Variants in MNDA observed in about 807,000 individuals in gnomAD.
The protein encoded by MNDA is myeloid cell nuclear differentiation antigen.
In MNDA, 43 loss-of-function variants were observed where a neutral mutation model predicts 37.8. The ratio of observed to expected loss-of-function variants is 1.14; its 90% CI spans 0.89 to 1.47. The LOEUF is 1.47. Ranked by LOEUF, MNDA falls within the 40% of genes most tolerant of loss-of-function variation. The pLI is 0.00. For synonymous variants in MNDA, 181 were observed against 169.0 expected, an observed-to-expected ratio of 1.07 and a Z score of -0.55; for missense variants, 536 against 476.0, an observed-to-expected ratio of 1.13 and a Z score of -1.17.
In MNDA at chr1:158,836,221, T is replaced by C. The variant is rs114981948; in HGVS notation, c.-21+4664T>C. 7.8e-3 allele frequency among the ~76,000 whole-genome samples: 1,191 copies of C among 152,160 alleles called. 16 individuals are homozygous for C. The highest frequency in any genetic ancestry group is 0.027 in the African/African-American group (1,134 of 41,564). On this transcript the variant is annotated intron_variant, in intron 1 of 6. Coordinates refer to ENST00000368141, the MANE Select transcript of MNDA (RefSeq NM_002432.3). ...TCTAGTGCCTCTGTCTGGCTTTGCA[T>C]TGGAGTAATGCTGAGTCATACAATG...
At chr1:158,837,286 C>T (rs866286094) in intron 1 of MNDA, among the ~76,000 whole-genome samples, 1 of 151,794 alleles carries the variant, frequency 6.6e-6, no homozygotes, top group South Asian at 2.1e-4. Flanking sequence ...GATTGTTCTA[C>T]CTATTATTGA....
At position 158,846,010 on chromosome 1, in the gene MNDA, C is replaced by T. The variant is rs780946671; in HGVS notation, c.987+7C>T. 1 of 1,570,468 alleles carries T rather than the reference C, an allele frequency of 6.4e-7. No individual in the cohort carries two copies. Among genetic ancestry groups the T allele is most frequent in the Non-Finnish European group, 8.6e-7 (1 of 1,160,270 alleles). ...GTTGTTTATGTTACAAAAGGTAAAC[C>T]CTTAATTTTGTTTTAATTTTCTCTA... On this transcript the variant is annotated splice_region_variant and intron_variant, in intron 5 of 6. Transcript: ENST00000368141.
At chr1:158,839,958 C>G (rs1468651345) in intron 1 of MNDA, among the ~76,000 whole-genome samples, 1 of 152,076 alleles carries the variant, frequency 6.6e-6, no homozygotes, top group Non-Finnish European at 1.5e-5. Flanking sequence ...ACATTTTGAC[C>G]AGATACAAAA....
At chr1:158,842,639 A>G (rs1162628623) in intron 2 of MNDA, 10 of 383,742 alleles carry the variant, frequency 2.6e-5, no homozygotes, top group Middle Eastern at 4.4e-4. Context: ...AGGTAAGGAT[A>G]AAAAACCAAA....
chr1:158,834,722 C>A (rs1234622112), intron 1 of MNDA, among the ~76,000 whole-genome samples: 1 of 152,118 alleles, frequency 6.6e-6, no homozygotes, highest in Admixed American at 6.6e-5. Context: ...TGGAGCCTTT[C>A]CCTTTTGTTT....
At chr1:158,840,509 A>G (rs1253349226) in intron 1 of MNDA, among the ~76,000 whole-genome samples, 6 of 152,102 alleles carry the variant, frequency 3.9e-5, no homozygotes, top group Non-Finnish European at 8.8e-5. Flanking sequence ...ACATAGCCAA[A>G]CCATATCAGC....
intron 1 of MNDA, among the ~76,000 whole-genome samples, chr1:158,832,047 A>G (rs534232215): frequency 6.6e-6 from 1 of 152,338 alleles, no homozygotes; most frequent in African/African-American, 2.4e-5. Flanking sequence ...CTCAAAAATA[A>G]TCTTTACATT....
chr1:158,836,669 C>T (rs1658920317), intron 1 of MNDA, among the ~76,000 whole-genome samples: 1 of 151,578 alleles, frequency 6.6e-6, no homozygotes, highest in Non-Finnish European at 1.5e-5. Context: ...TTTCAGAAAA[C>T]CAACTCTTTT....
chr1:158,843,263 T>G lies in MNDA; in HGVS notation c.266-16T>G, dbSNP rs943516275. 3 of 1,600,978 alleles carry G rather than the reference T, an allele frequency of 1.9e-6. No homozygotes were observed. The highest frequency in any genetic ancestry group is 2.6e-6 in the Non-Finnish European group (3 of 1,175,138). ...CACTCTAGGCCTATTGTGCCCTTTT[T>G]CTTTTCTTTTGTCAGTTGCTAAGAA... On this transcript the variant is annotated splice_polypyrimidine_tract_variant and intron_variant, in intron 2 of 6. Transcript: ENST00000368141.
chr1:158,845,216 GTTGTTGTTTGT>G (rs761492495), intron 4 of MNDA, among the ~76,000 whole-genome samples: 75 of 114,434 alleles, frequency 6.6e-4, no homozygotes, highest in Non-Finnish European at 1.1e-3. Context: ...CAAAGTTTTT[GTTGTTGTTTGT>G]TTGTTTGTTT....
At chr1:158,838,427 T>C (rs1218039586) in intron 1 of MNDA, among the ~76,000 whole-genome samples, 5 of 152,102 alleles carry the variant, frequency 3.3e-5, no homozygotes, top group Non-Finnish European at 7.4e-5. Context: ...GTCTACAAAG[T>C]ATTTGCTGAA....
chr1:158,834,815 A>C (rs901111485), intron 1 of MNDA, among the ~76,000 whole-genome samples: 3 of 152,202 alleles, frequency 2.0e-5, no homozygotes, highest in Non-Finnish European at 4.4e-5. Flanking sequence ...GATGTAGGTA[A>C]GGGTTCAACT....
At chr1:158,846,136 C>T in intron 5 of MNDA, 133 bp downstream of exon 5, 1 of 884,770 alleles carries the variant, frequency 1.1e-6, no homozygotes. Context: ...AGTTGTCCCA[C>T]AAAATAGGAA....
Position 158,843,434 on chromosome 1 carries a change from A to G in MNDA, c.402+19A>G, listed in dbSNP as rs903773787. On this transcript the variant is annotated intron_variant, in intron 3 of 6. Transcript: ENST00000368141. ...AGCTCAGGTAAGCTTGAGAAAGAGG[A>G]GCAGGACTGAAGCCTCACAGAAGAT... 1.9e-5 allele frequency: 30 copies of G among 1,587,956 alleles called. No individual in the cohort carries two copies. In the East Asian group the frequency reaches 6.8e-4, roughly 36 times the overall value.
At chr1:158,845,275 T>C (rs1449897902) in intron 4 of MNDA, among the ~76,000 whole-genome samples, 1 of 152,176 alleles carries the variant, frequency 6.6e-6, no homozygotes, top group Non-Finnish European at 1.5e-5. Context: ...TCTCGCTCTA[T>C]CGCCCAGGCT....
intron 1 of MNDA, among the ~76,000 whole-genome samples, chr1:158,833,152 G>C (rs879165618): frequency 6.6e-6 from 1 of 152,064 alleles, no homozygotes; most frequent in Non-Finnish European, 1.5e-5. Context: ...TTTTAAGATA[G>C]TAAAAACACT....
intron 3 of MNDA, 136 bp from the exon 4 acceptor site, chr1:158,843,819 T>C (rs1043070483): frequency 2.0e-5 from 15 of 733,894 alleles, no homozygotes; most frequent in African/African-American, 3.5e-5. Flanking sequence ...AAGTGACAGA[T>C]TGTAATTCCC....
At chr1:158,844,444 G>A (rs925299441) in intron 4 of MNDA, among the ~76,000 whole-genome samples, 5 of 150,604 alleles carry the variant, frequency 3.3e-5, no homozygotes, top group Non-Finnish European at 7.4e-5. Flanking sequence ...TCCTATTACA[G>A]ATCTGCCAAC....
Position 158,846,069 on chromosome 1 carries a change from G to T in MNDA, c.987+66G>T, listed in dbSNP as rs1217848995. On this transcript the variant is annotated intron_variant, in intron 5 of 6. Transcript: ENST00000368141. ...TGGAAATAAATGTCTTAATTTGCCA[G>T]ACTTACTGTCTGAATATTGGAACAC... 2.1e-6 allele frequency: 3 copies of T among 1,398,960 alleles called. No individual in the cohort carries two copies. The East Asian group carries it at 6.9e-5, about 32-fold the overall frequency. 86.7% of individuals were successfully genotyped at this position (1,398,960 alleles called of 1,614,324 possible).
Sources: allele counts gnomAD v4.1 joint callset (sites outside exome capture counted in the v4.1 genomes callset), GRCh38; gene constraint gnomAD v4.1.1; transcripts MANE v1.5; gene names NCBI Gene and HGNC (gene_info 2026-07-23, HGNC 2026-07-21).